TMEM117: variants seen among roughly 807,000 people sequenced by gnomAD.
TMEM117 encodes the protein transmembrane protein 117.
TMEM117 carries 27 observed loss-of-function variants against 52.4 expected under a neutral mutation model. The ratio of observed to expected loss-of-function variants is 0.51; its 90% confidence interval spans 0.38 to 0.71. TMEM117 has a LOEUF of 0.71. TMEM117 is among the 30% of genes least tolerant of loss of function. The probability of loss-of-function intolerance (pLI) is 0.00; values close to 1 mark genes in which losing one functional copy is unlikely to be tolerated. For synonymous variants in TMEM117, 215 were observed against 206.3 expected, an observed-to-expected ratio of 1.04 and a Z score of -0.36; for missense variants, 556 against 630.5, an observed-to-expected ratio of 0.88 and a Z score of 1.26.
intron 2 of TMEM117, among the ~76,000 whole-genome samples, chr12:43,864,786 A>C (rs1410402914): frequency 6.6e-6 from 1 of 151,910 alleles, no homozygotes; most frequent in African/African-American, 2.4e-5. Context: ...AGGCTGCTGG[A>C]GCCAGCAGGG....
intron 2 of TMEM117, among the ~76,000 whole-genome samples, chr12:43,900,577 G>A (rs186633449): frequency 7.9e-5 from 12 of 152,150 alleles, no homozygotes; most frequent in Admixed American, 5.2e-4. Flanking sequence ...AATTGGCCAG[G>A]TGTGGTTGCA....
At chr12:44,197,628 G>A (rs1292614307) in intron 4 of TMEM117, among the ~76,000 whole-genome samples, 5 of 151,952 alleles carry the variant, frequency 3.3e-5, no homozygotes, top group Admixed American at 6.6e-5. Flanking sequence ...ATCGTACTGG[G>A]GCACATCATA....
chr12:43,969,573 C>T (rs1945547905), intron 3 of TMEM117, among the ~76,000 whole-genome samples: 1 of 151,788 alleles, frequency 6.6e-6, no homozygotes, highest in Non-Finnish European at 1.5e-5. Flanking sequence ...CGTATGAAAA[C>T]CCTTGGAGGC....
intron 3 of TMEM117, among the ~76,000 whole-genome samples, chr12:44,117,232 C>T (rs1269100834): frequency 6.6e-6 from 1 of 152,154 alleles, no homozygotes; most frequent in Non-Finnish European, 1.5e-5. Flanking sequence ...TATATTGTTT[C>T]TTCTACCTGA....
At chr12:44,283,912 T>C (rs1193936234) in intron 5 of TMEM117, among the ~76,000 whole-genome samples, 2 of 152,144 alleles carry the variant, frequency 1.3e-5, no homozygotes, top group East Asian at 1.9e-4. Flanking sequence ...GGCTGGTCTT[T>C]CCTGTGCTAC....
chr12:44,396,225 C>T, the TMEM117 span, among the ~76,000 whole-genome samples: 210 of 152,192 alleles, frequency 1.4e-3, no homozygotes, highest in African/African-American at 4.9e-3. Context: ...TGCTTTTGCT[C>T]AGTGTCTTCT....
intron 3 of TMEM117, among the ~76,000 whole-genome samples, chr12:44,096,307 C>G (rs1297421330): frequency 1.3e-5 from 2 of 152,038 alleles, no homozygotes. Flanking sequence ...TTTATAGATT[C>G]AATGCCATCC....
chr12:44,204,463 G>T (rs1177731462), intron 4 of TMEM117, among the ~76,000 whole-genome samples: 2 of 152,048 alleles, frequency 1.3e-5, no homozygotes, highest in Non-Finnish European at 2.9e-5. Context: ...TGAATAGGAA[G>T]AATCAATATT....
At chr12:44,150,234 A>T (rs1948701480) in intron 4 of TMEM117, among the ~76,000 whole-genome samples, 1 of 152,234 alleles carries the variant, frequency 6.6e-6, no homozygotes, top group Non-Finnish European at 1.5e-5. Flanking sequence ...TCTCTAAGAA[A>T]AAAAGCATGC....
At chr12:44,247,269 A>G (rs563680563) in intron 5 of TMEM117, among the ~76,000 whole-genome samples, 110 of 152,324 alleles carry the variant, frequency 7.2e-4, no homozygotes, top group Middle Eastern at 6.8e-3. Context: ...TGAACTTTAT[A>G]CTATTAGGAA....
chr12:44,033,295 AACT>A (rs1946661279), intron 3 of TMEM117, among the ~76,000 whole-genome samples: 1 of 152,206 alleles, frequency 6.6e-6, no homozygotes, highest in East Asian at 1.9e-4. Context: ...AAAAATGAGC[AACT>A]AGCAGCCCTC....
intron 3 of TMEM117, among the ~76,000 whole-genome samples, chr12:44,141,451 T>C (rs545130221): frequency 1.8e-4 from 27 of 152,210 alleles, no homozygotes; most frequent in African/African-American, 6.5e-4. Flanking sequence ...TTTTAGTTAT[T>C]AGCTGGATGA....
intron 5 of TMEM117, among the ~76,000 whole-genome samples, chr12:44,236,185 T>TAG (rs1491377959): frequency 7.6e-4 from 111 of 145,302 alleles, no homozygotes; most frequent in East Asian, 2.9e-3. Context: ...TATATATATA[T>TAG]ATAGAGAGAG....
At chr12:44,135,696 C>T (rs573280936) in intron 3 of TMEM117, among the ~76,000 whole-genome samples, 3 of 152,062 alleles carry the variant, frequency 2.0e-5, no homozygotes, top group African/African-American at 7.2e-5. Context: ...GTCACAATTG[C>T]TTTGAATTTG....
chr12:44,336,783 T>G (rs1411091018), intron 6 of TMEM117, among the ~76,000 whole-genome samples: 1 of 151,928 alleles, frequency 6.6e-6, no homozygotes, highest in Non-Finnish European at 1.5e-5. Context: ...AATGATTAAG[T>G]CTAGATTGTT....
rs1306121505 is a variant in TMEM117 at position 43,844,885 on chromosome 12, A to T, written c.234A>T (p.Thr78=). 1 of 1,614,022 alleles carries T rather than the reference A, an allele frequency of 6.2e-7. No homozygotes were observed. The highest frequency in any genetic ancestry group is 8.5e-7 in the Non-Finnish European group (1 of 1,180,026). Residue 78 remains threonine, a synonymous_variant, in exon 2 of 8, where the codon ACA becomes ACT. Coordinates refer to ENST00000266534, the MANE Select transcript of TMEM117 (RefSeq NM_032256.3). ...TTCTATGGCTACTTGCCATTCTCAC[A>T]GGACTAATAGCTGGCAAATTTCTGT... ...KVLLWLLAIL[T]GLIAGKFLFH...
At chr12:44,347,889 G>A (rs1032404623) in intron 6 of TMEM117, among the ~76,000 whole-genome samples, 3 of 151,950 alleles carry the variant, frequency 2.0e-5, no homozygotes, top group African/African-American at 4.8e-5. Flanking sequence ...CTACATCCTG[G>A]CCTTGCTGTC....
At chr12:43,946,120 G>A (rs1945127438) in intron 3 of TMEM117, among the ~76,000 whole-genome samples, 1 of 152,132 alleles carries the variant, frequency 6.6e-6, no homozygotes, top group African/African-American at 2.4e-5. Context: ...GGTCTGTTTT[G>A]AAGGCTGTAA....
At chr12:43,803,361 A>G in the TMEM117 span, among the ~76,000 whole-genome samples, 2,822 of 152,204 alleles carry the variant, frequency 0.019, 88 homozygotes, top group African/African-American at 0.064. Flanking sequence ...CAGAAGCAAA[A>G]TTGTTTAAAG....
Sources: gnomAD v4.1 joint callset for allele counts (sites outside exome capture counted in the v4.1 genomes callset) on GRCh38, gnomAD v4.1.1 for gene constraint, MANE v1.5 for transcripts, NCBI Gene and HGNC (gene_info 2026-07-23, HGNC 2026-07-21) for gene names.